Variants in RBM6 observed in about 807,000 individuals in gnomAD.
RBM6 encodes RNA-binding protein 6.
A neutral mutation model predicts 140.4 loss-of-function variants in RBM6; 23 were observed. The ratio of observed to expected loss-of-function variants is 0.16; its 90% CI spans 0.12 to 0.23. RBM6 has a LOEUF of 0.23. Among genes scored for constraint, RBM6 ranks in the 10% least tolerant of loss-of-function variants. The pLI is 1.00. For synonymous variants in RBM6, 439 were observed against 475.6 expected (o/e 0.92, Z 1.00); for missense variants, 1,139 against 1,386.7 (o/e 0.82, Z 2.84).
chr3:50,075,231 C>T lies in RBM6; in HGVS notation c.3147C>T (p.Ile1049=), dbSNP rs1024175443. The part of the protein sequence containing the change: ...SDRKLVDKED[I]DTSSKGGCVQ... ...GTAAACTTGTTGATAAAGAAGATAT[C>T]GACACTAGCAGCAAAGGAGGCTGTG... Residue 1049 remains isoleucine (I), a synonymous_variant, in exon 20 of 21, where the codon ATC becomes ATT. Transcript: ENST00000266022. 9.3e-6 allele frequency: 15 copies of T among 1,613,566 alleles called. No homozygotes were observed. Among genetic ancestry groups the T allele is most frequent in the Admixed American group, 5.0e-5 (3 of 59,956 alleles).
chr3:50,049,338 C>T (rs2108883372), intron 7 of RBM6, among the ~76,000 whole-genome samples: 1 of 152,130 alleles, frequency 6.6e-6, no homozygotes. Flanking sequence ...TCTTGAACTC[C>T]TGACCTCATT....
intron 5 of RBM6, among the ~76,000 whole-genome samples, chr3:49,984,646 G>A (rs149445151): frequency 0.41 from 50,807 of 125,430 alleles, 9,540 homozygotes; most frequent in African/African-American, 0.5. Flanking sequence ...GCATCGCATC[G>A]CATCGCATCG....
At chr3:49,945,332 C>T (rs11721204) in intron 1 of RBM6, among the ~76,000 whole-genome samples, 53,303 of 151,738 alleles carry the variant, frequency 0.35, 9,933 homozygotes, top group Non-Finnish European at 0.43. Flanking sequence ...TGCATGCCAC[C>T]ATGCCTAACT....
At chr3:49,996,685 G>A (rs982032963) in intron 5 of RBM6, among the ~76,000 whole-genome samples, 3 of 152,122 alleles carry the variant, frequency 2.0e-5, no homozygotes, top group Non-Finnish European at 4.4e-5. Flanking sequence ...TAAAATAGAA[G>A]CAACTGTTAT....
At chr3:49,984,716 T>A (rs2085485898) in intron 5 of RBM6, among the ~76,000 whole-genome samples, 1 of 151,998 alleles carries the variant, frequency 6.6e-6, no homozygotes, top group African/African-American at 2.4e-5. Context: ...AGAAATCTTG[T>A]AGTCAGCCTT....
intron 5 of RBM6, among the ~76,000 whole-genome samples, chr3:49,996,557 A>G (rs1459996714): frequency 6.6e-6 from 1 of 152,192 alleles, no homozygotes; most frequent in Non-Finnish European, 1.5e-5. Context: ...CATTTATAAT[A>G]AGACATTTTA....
intron 1 of RBM6, among the ~76,000 whole-genome samples, chr3:49,962,222 G>T (rs894651970): frequency 2.7e-5 from 4 of 150,548 alleles, no homozygotes; most frequent in Non-Finnish European, 4.4e-5. Flanking sequence ...GGAGGCCTAG[G>T]TGGGCGGATC....
rs150985701 is a variant in RBM6, at chr3:50,011,186, C to A, written c.1557+11673C>A. The stretch of plus-strand genomic sequence containing the variant: ...AGTGAGCCATGATTAGATCACTGCA[C>A]TCTAGCCTGAATGACAGAGCAATAC... On this transcript the variant is annotated intron_variant, in intron 6 of 20. Coordinates refer to ENST00000266022, the MANE Select transcript of RBM6 (RefSeq NM_005777.3). 4.6e-3 allele frequency among the ~76,000 whole-genome samples: 695 copies of A among 151,692 alleles called. 1 individual carries two copies. The highest frequency in any genetic ancestry group is 7.1e-3 in the Non-Finnish European group (479 of 67,942).
chr3:50,007,425 C>T (rs758795067), intron 6 of RBM6, among the ~76,000 whole-genome samples: 4 of 151,782 alleles, frequency 2.6e-5, no homozygotes, highest in Non-Finnish European at 4.4e-5. Context: ...GAGGTCAAAG[C>T]GATCTGCCTA....
chr3:50,058,599 A>G (rs755231255), intron 10 of RBM6, 37 bp downstream of exon 10: 1 of 1,549,468 alleles, frequency 6.5e-7, no homozygotes, highest in South Asian at 1.1e-5. Context: ...CTAGAGACAG[A>G]TGGCTAAAGA....
intron 20 of RBM6, among the ~76,000 whole-genome samples, chr3:50,076,034 T>G (rs556351775): frequency 6.6e-6 from 1 of 151,660 alleles, no homozygotes; most frequent in Non-Finnish European, 1.5e-5. Context: ...AGTGGTGCGA[T>G]CTCAGCTCAC....
At chr3:50,030,094 T>C (rs1343479318) in intron 6 of RBM6, among the ~76,000 whole-genome samples, 15 of 151,802 alleles carry the variant, frequency 9.9e-5, no homozygotes, top group African/African-American at 3.4e-4. Flanking sequence ...AGTGGGACCT[T>C]GTCTCTATAA....
intron 2 of RBM6, among the ~76,000 whole-genome samples, chr3:49,965,601 C>T (rs918896139): frequency 6.6e-6 from 1 of 151,442 alleles, no homozygotes; most frequent in East Asian, 1.9e-4. Context: ...ACCCGGGAGG[C>T]GGAGCTTGCA....
At chr3:50,043,366 C>A (rs1166362469) in intron 6 of RBM6, among the ~76,000 whole-genome samples, 1 of 151,478 alleles carries the variant, frequency 6.6e-6, no homozygotes, top group Non-Finnish European at 1.5e-5. Flanking sequence ...ACCTGTAATC[C>A]CAGCTACTTG....
chr3:49,962,738 G>A (rs944090186), intron 2 of RBM6, 53 bp downstream of exon 2: 38 of 1,415,918 alleles, frequency 2.7e-5, no homozygotes, highest in Non-Finnish European at 3.5e-5. Context: ...TTATAAATGT[G>A]TAACATTTTC....
In RBM6 at chr3:49,975,315, T is replaced by G. The variant is rs545802697; in HGVS notation, c.1414-8T>G. Reference sequence around the variant, plus strand: ...TGTATCATTTGTATAAATGCCATATTTTTGCAGATTCTTAATGCTTTTCGG... The same window carrying G: ...TGTATCATTTGTATAAATGCCATATGTTTGCAGATTCTTAATGCTTTTCGG... On this transcript the variant is annotated splice_region_variant and splice_polypyrimidine_tract_variant and intron_variant, in intron 4 of 20. Transcript: ENST00000266022. 25 of 1,605,174 alleles carry G rather than the reference T, an allele frequency of 1.6e-5. No individual in the cohort carries two copies. The South Asian group carries it at 2.6e-4, about 17-fold the overall frequency.
chr3:49,966,230 G>C (rs1319120694), intron 2 of RBM6, among the ~76,000 whole-genome samples: 1 of 152,262 alleles, frequency 6.6e-6, no homozygotes, highest in Non-Finnish European at 1.5e-5. Flanking sequence ...TAGTAGCATA[G>C]TCTGAGCTCA....
At chr3:49,964,646 T>A (rs563725880) in intron 2 of RBM6, among the ~76,000 whole-genome samples, 1 of 152,220 alleles carries the variant, frequency 6.6e-6, no homozygotes, top group Non-Finnish European at 1.5e-5. Context: ...TTTCCTGACC[T>A]CTCATCTAGA....
intron 5 of RBM6, among the ~76,000 whole-genome samples, chr3:49,981,047 C>T (rs907599470): frequency 1.3e-5 from 2 of 151,870 alleles, no homozygotes; most frequent in South Asian, 2.1e-4. Flanking sequence ...GGATTATAGG[C>T]GCCTGCCACC....
Sources: allele counts gnomAD v4.1 joint callset (sites outside exome capture counted in the v4.1 genomes callset), GRCh38; gene constraint gnomAD v4.1.1; transcripts MANE v1.5; gene names NCBI Gene and HGNC (gene_info 2026-07-23, HGNC 2026-07-21).